Variants in CDH4 observed in about 807,000 individuals in gnomAD.
CDH4 encodes the protein cadherin-4.
In CDH4, 33 loss-of-function variants were observed where a neutral mutation model predicts 86.0. The ratio of observed to expected loss-of-function variants is 0.38; its 90% CI spans 0.29 to 0.51. The LOEUF is 0.51. Ranked by LOEUF, CDH4 falls within the 20% of genes least tolerant of loss-of-function variation. The pLI, the probability that CDH4 is intolerant of heterozygous loss-of-function variation, is 0.86. For synonymous variants in CDH4, 555 were observed against 549.4 expected (o/e 1.01, Z -0.14); for missense variants, 1,114 against 1,307.4 (o/e 0.85, Z 2.28).
chr20:61,345,676 AAG>A (rs1434006422), intron 2 of CDH4, among the ~76,000 whole-genome samples: 1 of 152,130 alleles, frequency 6.6e-6, no homozygotes. Flanking sequence ...GGAACAGGGG[AAG>A]AGAGAGTTTG....
At chr20:61,713,874 G>A (rs966923179) in intron 2 of CDH4, among the ~76,000 whole-genome samples, 3 of 152,264 alleles carry the variant, frequency 2.0e-5, no homozygotes, top group East Asian at 1.9e-4. Context: ...TCAACAAGGC[G>A]GGTGTGGGCA....
rs545345045 is a variant in CDH4 at position 61,607,547 on chromosome 20, C to T, written c.170-136016C>T. On this transcript the variant is annotated intron_variant, in intron 2 of 15. Transcript: ENST00000614565. ...TGGTTGGCAGCTGCAAAACAGGCAACGATGTAATAAGATTAGAAAAAAAAG... is the reference window on the plus strand; with the variant it reads ...TGGTTGGCAGCTGCAAAACAGGCAATGATGTAATAAGATTAGAAAAAAAAG... Among the ~76,000 whole-genome samples, 38 of 152,220 alleles carry T rather than the reference C, an allele frequency of 2.5e-4. No individual in the cohort carries two copies. In the Middle Eastern group the frequency reaches 0.014, roughly 55 times the overall value.
At chr20:61,487,447 A>G (rs919165271) in intron 2 of CDH4, among the ~76,000 whole-genome samples, 10 of 152,186 alleles carry the variant, frequency 6.6e-5, no homozygotes, top group Non-Finnish European at 5.9e-5. Flanking sequence ...GGTTCTCATA[A>G]TGGAGCCTCC....
intron 2 of CDH4, among the ~76,000 whole-genome samples, chr20:61,563,075 G>A (rs906281682): frequency 6.6e-6 from 1 of 152,224 alleles, no homozygotes; most frequent in Non-Finnish European, 1.5e-5. Flanking sequence ...GAGGGTCCGT[G>A]GGGAGCCCAG....
At chr20:61,533,693 C>T (rs765926800) in intron 2 of CDH4, among the ~76,000 whole-genome samples, 3 of 152,214 alleles carry the variant, frequency 2.0e-5, no homozygotes, top group Non-Finnish European at 2.9e-5. Context: ...ACAGGTGCCC[C>T]ATGAGACTAG....
chr20:61,519,652 A>AT lies in CDH4; in HGVS notation c.170-223910dup, dbSNP rs2085853419. Among the ~76,000 whole-genome samples, 3 of 152,382 alleles carry AT rather than the reference A, an allele frequency of 2.0e-5. No homozygotes were observed. The South Asian group carries it at 6.2e-4, about 32-fold the overall frequency. Reference sequence around the variant, plus strand: ...CTGCCTCTCGGGCTGCTGCGCCAGCATCGCAGGGCGATTACCCTGTGCTGC... The same window carrying AT: ...CTGCCTCTCGGGCTGCTGCGCCAGCATTCGCAGGGCGATTACCCTGTGCTGC... On this transcript the variant is annotated intron_variant, in intron 2 of 15. Coordinates refer to ENST00000614565, the MANE Select transcript of CDH4 (RefSeq NM_001794.5).
chr20:61,588,613 C>G (rs566292240), intron 2 of CDH4, among the ~76,000 whole-genome samples: 298 of 152,158 alleles, frequency 2.0e-3, no homozygotes, highest in Middle Eastern at 3.4e-3. Flanking sequence ...GGCTTTCTCA[C>G]CCCAGGGCCC....
At chr20:61,911,080 CT>C (rs2054844902) in intron 9 of CDH4, among the ~76,000 whole-genome samples, 1 of 152,234 alleles carries the variant, frequency 6.6e-6, no homozygotes, top group Non-Finnish European at 1.5e-5. Context: ...ACAGACTAAT[CT>C]CAAGAGTTTT....
intron 4 of CDH4, among the ~76,000 whole-genome samples, chr20:61,825,922 C>T (rs963859956): frequency 2.0e-5 from 3 of 152,216 alleles, no homozygotes; most frequent in Non-Finnish European, 4.4e-5. Flanking sequence ...CCACATCTCA[C>T]ATCCGATTTG....
intron 8 of CDH4, among the ~76,000 whole-genome samples, chr20:61,906,631 C>T (rs1172027220): frequency 6.6e-6 from 1 of 152,204 alleles, no homozygotes; most frequent in Admixed American, 6.5e-5. Context: ...AGCCAGGTGT[C>T]AGAGCCCAGC....
chr20:61,721,162 G>A (rs533171006), intron 2 of CDH4, among the ~76,000 whole-genome samples: 5 of 152,320 alleles, frequency 3.3e-5, no homozygotes, highest in Admixed American at 2.0e-4. Flanking sequence ...ATGCCTCCAG[G>A]ATGAGTATGT....
rs199727385 is a variant in CDH4 at position 61,320,012 on chromosome 20, TG to T, written c.169+65077del. 3.1e-3 allele frequency among the ~76,000 whole-genome samples: 470 copies of T among 151,636 alleles called. 5 individuals are homozygous for T. The highest frequency in any genetic ancestry group is 0.011 in the African/African-American group (454 of 41,360). On this transcript the variant is annotated intron_variant, in intron 2 of 15. Transcript: ENST00000614565. ...GATCCACTGCAGAACATCCAGCCAA[TG>T]GTATTTTGTTGAGCACTTGAAATTT...
intron 2 of CDH4, among the ~76,000 whole-genome samples, chr20:61,689,754 T>A (rs191898878): frequency 1.4e-3 from 206 of 150,780 alleles, no homozygotes; most frequent in African/African-American, 4.8e-3. Flanking sequence ...GGTGAGGTGA[T>A]GTGGAATTGG....
chr20:61,626,825 G>A (rs190562701), intron 2 of CDH4, among the ~76,000 whole-genome samples: 19 of 152,294 alleles, frequency 1.2e-4, no homozygotes, highest in Admixed American at 3.3e-4. Flanking sequence ...TTTAAATTGC[G>A]CTCGAAGGGT....
chr20:61,380,025 A>T (rs896637738), intron 2 of CDH4, among the ~76,000 whole-genome samples: 1 of 152,168 alleles, frequency 6.6e-6, no homozygotes, highest in African/African-American at 2.4e-5. Flanking sequence ...TGTCCTGGGA[A>T]GCTGTCCCTT....
At chr20:61,387,863 T>C (rs573110561) in intron 2 of CDH4, among the ~76,000 whole-genome samples, 2 of 141,644 alleles carry the variant, frequency 1.4e-5, no homozygotes, top group African/African-American at 5.2e-5. Context: ...CACCCCCCTC[T>C]GGCCCCGCCC....
intron 4 of CDH4, among the ~76,000 whole-genome samples, chr20:61,800,537 A>G (rs570410189): frequency 6.6e-6 from 1 of 152,344 alleles, no homozygotes; most frequent in South Asian, 2.1e-4. Context: ...TGGAGCCCAG[A>G]GAGGGTAAAA....
intron 2 of CDH4, among the ~76,000 whole-genome samples, chr20:61,449,347 C>T (rs1310356771): frequency 6.6e-6 from 1 of 152,224 alleles, no homozygotes; most frequent in Non-Finnish European, 1.5e-5. Flanking sequence ...TTTACATATT[C>T]CTGATTCTCA....
rs188022810 is a variant in CDH4, at chr20:61,847,349, G to A, written c.732+2526G>A. Among the ~76,000 whole-genome samples the A allele has an allele frequency of 2.8e-4, 43 of 152,320 alleles. 1 individual carries two copies. The highest frequency in any genetic ancestry group is 1.7e-3 in the Admixed American group (26 of 15,310). On this transcript the variant is annotated intron_variant, in intron 5 of 15. Transcript: ENST00000614565. Reference sequence around the variant, plus strand: ...GGAGTTCTGCCCACAGCAGGGGTCCGGCTGTGCAGGGCTAGAGGTTGGAAT... The same window carrying A: ...GGAGTTCTGCCCACAGCAGGGGTCCAGCTGTGCAGGGCTAGAGGTTGGAAT...
Sources: gnomAD v4.1 joint callset for allele counts (sites outside exome capture counted in the v4.1 genomes callset) on GRCh38, gnomAD v4.1.1 for gene constraint, MANE v1.5 for transcripts, NCBI Gene and HGNC (gene_info 2026-07-23, HGNC 2026-07-21) for gene names.